BLM: variants seen among roughly 807,000 people sequenced by gnomAD.
BLM encodes recQ-like DNA helicase BLM.
Under a neutral mutation model 135.3 loss-of-function variants are expected in BLM, and 95 were observed. The ratio of observed to expected loss-of-function variants is 0.70; its 90% confidence interval spans 0.59 to 0.83. The LOEUF (loss-of-function observed/expected upper bound fraction) is 0.83. Ranked by LOEUF, BLM falls within the 40% of genes least tolerant of loss-of-function variation. The pLI, the probability that BLM is intolerant of heterozygous loss-of-function variation, is 0.00. For synonymous variants in BLM, 520 were observed against 589.2 expected (o/e 0.88, Z 1.70); for missense variants, 1,518 against 1,663.9 (o/e 0.91, Z 1.53).
At chr15:90,786,336 G>A (rs72751852) in intron 14 of BLM, among the ~76,000 whole-genome samples, 7 of 151,932 alleles carry the variant, frequency 4.6e-5, no homozygotes, top group Non-Finnish European at 7.4e-5. Context: ...GAGCATTCAC[G>A]TACAAGTTTT....
At chr15:90,763,239 C>A in intron 8 of BLM, 82 bp downstream of exon 8, 2 of 1,410,278 alleles carry the variant, frequency 1.4e-6, no homozygotes, top group Non-Finnish European at 1.0e-6. Context: ...AAAAAGACCA[C>A]CTACACAGTA....
chr15:90,811,816 C>T (rs752186406), intron 21 of BLM, among the ~76,000 whole-genome samples: 18 of 152,068 alleles, frequency 1.2e-4, no homozygotes, highest in Non-Finnish European at 2.4e-4. Flanking sequence ...TACCATCACT[C>T]CTGGCTAATT....
chr15:90,751,006 T>G (rs1401514272), intron 3 of BLM, among the ~76,000 whole-genome samples: 1 of 152,240 alleles, frequency 6.6e-6, no homozygotes, highest in Non-Finnish European at 1.5e-5. Context: ...CTGTAATTCC[T>G]TTATGGCTTG....
At chr15:90,763,235 A>G in intron 8 of BLM, 78 bp downstream of exon 8, 2 of 1,430,482 alleles carry the variant, frequency 1.4e-6, no homozygotes, top group Non-Finnish European at 9.8e-7. Context: ...AAATAAAAAG[A>G]CCACCTACAC....
intron 19 of BLM, among the ~76,000 whole-genome samples, chr15:90,806,795 C>T (rs1897295683): frequency 6.6e-6 from 1 of 152,152 alleles, no homozygotes; most frequent in Non-Finnish European, 1.5e-5. Context: ...TTCATTCCCT[C>T]TCCTACGATA....
chr15:90,781,471 C>A (rs957709628), intron 12 of BLM, among the ~76,000 whole-genome samples: 1 of 151,956 alleles, frequency 6.6e-6, no homozygotes, highest in African/African-American at 2.4e-5. Flanking sequence ...CTAAAAATAA[C>A]AAAAATGAGC....
chr15:90,800,689 A>G (rs1406312448), intron 17 of BLM, among the ~76,000 whole-genome samples: 3 of 151,570 alleles, frequency 2.0e-5, no homozygotes, highest in Non-Finnish European at 4.4e-5. Flanking sequence ...TCAAAAAAAA[A>G]AGAAGGAACA....
At chr15:90,800,652 C>T (rs891287406) in intron 17 of BLM, among the ~76,000 whole-genome samples, 8 of 151,114 alleles carry the variant, frequency 5.3e-5, no homozygotes, top group African/African-American at 9.7e-5. Flanking sequence ...TGCACTCCAG[C>T]GTGGGCAACA....
intron 1 of BLM, among the ~76,000 whole-genome samples, chr15:90,719,944 T>C (rs1894722804): frequency 6.6e-6 from 1 of 152,214 alleles, no homozygotes. Flanking sequence ...CATACTATTC[T>C]ACCTCAGCCT....
At chr15:90,808,786 A>G in intron 19 of BLM, 1 of 385,178 alleles carries the variant, frequency 2.6e-6, no homozygotes, top group Non-Finnish European at 4.9e-6. Context: ...AAGAGAGGGC[A>G]CACCAGTCTC....
In BLM at chr15:90,766,952, G is replaced by C; in HGVS notation, c.2236G>C (p.Ala746Pro). Residue 746 changes from alanine to proline, a missense_variant, in exon 10 of 22, where the codon GCT becomes CCT. Ala to Pro is a conservative substitution (Grantham distance 27, BLOSUM62 -1). Around this residue, in one of 5 missense-constraint regions of BLM, gnomAD observed 626 missense variants for 681.1 expected, o/e 0.92. Transcript: ENST00000355112. ...YLTGDKTDSE[A>P]TNIYLQLSKK... ...GACAGGTGATAAGACTGACTCAGAA[G>C]CTACAAATATTTACCTCCAGTTATC... The C allele has an allele frequency of 6.2e-7, 1 of 1,605,968 alleles. No homozygotes were observed. The highest frequency in any genetic ancestry group is 8.5e-7 in the Non-Finnish European group (1 of 1,173,628).
chr15:90,750,024 T>C lies in BLM; in HGVS notation c.756T>C (p.Ala252=), dbSNP rs1895638603. 1 of 1,614,180 alleles carries C rather than the reference T, an allele frequency of 6.2e-7. No homozygotes were observed. The highest frequency in any genetic ancestry group is 8.5e-7 in the Non-Finnish European group (1 of 1,180,036). ...PIAEVHINED[A]QESDSLKTHL... is the part of the protein sequence containing the mutation. ...CTGAAGTGCATATAAATGAAGATGC[T>C]CAGGAAAGTGACTCTCTGAAAACTC... The change falls in exon 3 of 22, where the codon GCT becomes GCC. Residue 252 remains alanine (A), a synonymous_variant. Coordinates refer to ENST00000355112, the MANE Select transcript of BLM (RefSeq NM_000057.4).
chr15:90,760,768 T>TG lies in BLM; in HGVS notation c.1399dup (p.Asp467GlyfsTer22), dbSNP rs1555419862. ...ACCTTCCCTCAAATTCTGTTTCTCCTGGGGACTGTTTACTGACTACCACCC... is the reference window on the plus strand; with the variant it reads ...ACCTTCCCTCAAATTCTGTTTCTCCTGGGGGACTGTTTACTGACTACCACCC... On this transcript the variant is annotated frameshift_variant, in exon 7 of 22. Coordinates refer to ENST00000355112, the MANE Select transcript of BLM (RefSeq NM_000057.4). LOFTEE classifies it high-confidence loss of function. 6.2e-7 allele frequency: 1 copy of TG among 1,613,962 alleles called. No individual in the cohort carries two copies. The highest frequency in any genetic ancestry group is 1.3e-5 in the African/African-American group (1 of 74,912).
At chr15:90,764,937 T>C (rs1219700989) in intron 8 of BLM, among the ~76,000 whole-genome samples, 1 of 152,016 alleles carries the variant, frequency 6.6e-6, no homozygotes, top group African/African-American at 2.4e-5. Context: ...GATGTGGTGG[T>C]GCATGCCTAT....
intron 12 of BLM, among the ~76,000 whole-genome samples, chr15:90,774,714 G>A (rs1896425643): frequency 6.6e-6 from 1 of 150,680 alleles, no homozygotes; most frequent in South Asian, 2.1e-4. Flanking sequence ...TGCACCTATA[G>A]TCGCAGCTAC....
chr15:90,745,681 G>A (rs180743168), intron 1 of BLM, among the ~76,000 whole-genome samples: 148 of 152,270 alleles, frequency 9.7e-4, no homozygotes, highest in African/African-American at 3.3e-3. Context: ...AAAGTGCTGG[G>A]TCTATGGGCA....
At chr15:90,761,373 TCTA>T in intron 7 of BLM, 118 bp downstream of exon 7, 1 of 790,122 alleles carries the variant, frequency 1.3e-6, no homozygotes, top group Non-Finnish European at 1.8e-6. Flanking sequence ...TATGCAAATT[TCTA>T]CTGATGATAT....
intron 16 of BLM, 43 bp downstream of exon 16, chr15:90,794,400 T>C (rs382681): frequency 7.0e-7 from 1 of 1,419,988 alleles, no homozygotes. Context: ...TAAATTTTTT[T>C]TCTCTTACTT....
chr15:90,790,053 C>T (rs1896865656), intron 14 of BLM, among the ~76,000 whole-genome samples: 1 of 124,452 alleles, frequency 8.0e-6, no homozygotes, highest in Admixed American at 1.0e-4. Flanking sequence ...CTTTTACCCA[C>T]ATGAGTTTCC....
Sources: gnomAD v4.1 joint callset for allele counts (sites outside exome capture counted in the v4.1 genomes callset) on GRCh38, gnomAD v4.1.1 for gene constraint, gnomAD v4.1.1 regional missense constraint, MANE v1.5 for transcripts, NCBI Gene and HGNC (gene_info 2026-07-23, HGNC 2026-07-21) for gene names.